Variants in MTHFD1L observed in about 807,000 individuals in gnomAD.
The protein encoded by MTHFD1L is methylenetetrahydrofolate dehydrogenase (NADP+ dependent) 1 like, also known as monofunctional C1-tetrahydrofolate synthase, mitochondrial.
MTHFD1L carries 81 observed loss-of-function variants against 119.5 expected under a neutral mutation model. The ratio of observed to expected loss-of-function variants is 0.68; its 90% CI spans 0.57 to 0.82. The LOEUF (loss-of-function observed/expected upper bound fraction) is 0.82. Ranked by LOEUF, MTHFD1L falls within the 40% of genes least tolerant of loss-of-function variation. The pLI, the probability that MTHFD1L is intolerant of heterozygous loss-of-function variation, is 0.00. For missense variants in MTHFD1L, 1,125 were observed against 1,253.4 expected (o/e 0.90, Z 1.55); for synonymous variants, 430 against 475.2 (o/e 0.90, Z 1.24).
intron 26 of MTHFD1L, among the ~76,000 whole-genome samples, chr6:151,048,883 C>A (rs1009149132): frequency 1.3e-5 from 2 of 152,198 alleles, no homozygotes; most frequent in African/African-American, 4.8e-5. Context: ...TCCTTACACA[C>A]CAAATATTTC....
At chr6:151,022,849 G>A (rs1053997917) in intron 24 of MTHFD1L, among the ~76,000 whole-genome samples, 1 of 152,006 alleles carries the variant, frequency 6.6e-6, no homozygotes, top group Non-Finnish European at 1.5e-5. Flanking sequence ...CTTCCCCCAT[G>A]CTCTTTAATA....
chr6:150,981,854 G>A (rs1777545722), intron 20 of MTHFD1L, among the ~76,000 whole-genome samples: 2 of 152,200 alleles, frequency 1.3e-5, no homozygotes, highest in South Asian at 4.1e-4. Flanking sequence ...TGGAGGCCAA[G>A]GTGGGAGGAT....
At chr6:151,052,698 T>G (rs1789253387) in intron 26 of MTHFD1L, among the ~76,000 whole-genome samples, 1 of 152,188 alleles carries the variant, frequency 6.6e-6, no homozygotes, top group Non-Finnish European at 1.5e-5. Context: ...GACCATTGCA[T>G]AGCTCCAGCA....
chr6:150,990,970 C>T (rs1484902262), intron 20 of MTHFD1L, among the ~76,000 whole-genome samples: 1 of 152,212 alleles, frequency 6.6e-6, no homozygotes, highest in African/African-American at 2.4e-5. Context: ...ATTTTCCTGC[C>T]TCAGCCTCCC....
intron 19 of MTHFD1L, among the ~76,000 whole-genome samples, chr6:150,968,726 G>C (rs1216644208): frequency 6.6e-6 from 1 of 151,702 alleles, no homozygotes; most frequent in East Asian, 1.9e-4. Context: ...ACGTTGGCCA[G>C]GCTGGTCTCA....
In MTHFD1L at chr6:151,034,503, T is replaced by C. The variant is rs377065684; in HGVS notation, c.2597T>C (p.Val866Ala). The change falls in exon 25 of 28, where the codon GTG (valine) becomes GCG (alanine). Residue 866 changes from valine (V) to alanine (A), a missense_variant. Around this residue, in one of 3 missense-constraint regions of MTHFD1L, gnomAD observed 1,058 missense variants for 1,151.2 expected, o/e 0.92. Coordinates refer to ENST00000367321, the MANE Select transcript of MTHFD1L (RefSeq NM_015440.5). The stretch of plus-strand genomic sequence containing the variant: ...TTTGTGTTTCTCCAGGTTCCAATTG[T>C]GGACAAGATAAGGACCATTGCTCAG... ...QFLYDVQVPI[V>A]DKIRTIAQAV... 105 of 1,608,724 alleles carry C rather than the reference T, an allele frequency of 6.5e-5. No homozygotes were observed. The highest frequency in any genetic ancestry group is 8.5e-5 in the Non-Finnish European group (100 of 1,177,186).
In MTHFD1L at chr6:150,905,689, C is replaced by T. The variant is rs771161505; in HGVS notation, c.820C>T (p.Pro274Ser). 2.5e-6 allele frequency: 4 copies of T among 1,614,010 alleles called. No individual in the cohort carries two copies. Among genetic ancestry groups the T allele is most frequent in the African/African-American group, 1.3e-5 (1 of 74,924 alleles). ...CATTGTGGTCCTAGGCTCACCTAAG[C>T]CAGAAGAGATTCCCCTTACTTGGAT... Reference protein sequence around the residue: ...ADIVVLGSPKPEEIPLTWIQP... With the variant: ...ADIVVLGSPKSEEIPLTWIQP... The change falls in exon 8 of 28, where the codon CCA (proline) becomes TCA (serine). Residue 274 changes from proline (P) to serine (S), a missense_variant. Pro to Ser is a moderately conservative substitution (Grantham distance 74). Around this residue, in one of 3 missense-constraint regions of MTHFD1L, gnomAD observed 1,058 missense variants for 1,151.2 expected, o/e 0.92. Coordinates refer to ENST00000367321, the MANE Select transcript of MTHFD1L (RefSeq NM_015440.5).
chr6:150,974,035 G>A (rs145973210), intron 20 of MTHFD1L, among the ~76,000 whole-genome samples: 4,213 of 152,320 alleles, frequency 0.028, 205 homozygotes, highest in Admixed American at 0.14. Context: ...CTAAGATGCC[G>A]TAAGTGGGGG....
At chr6:150,983,462 A>G (rs987501236) in intron 20 of MTHFD1L, among the ~76,000 whole-genome samples, 5 of 152,092 alleles carry the variant, frequency 3.3e-5, no homozygotes, top group African/African-American at 9.7e-5. Flanking sequence ...GCCCAGCCCT[A>G]TGAAAAGGGC....
chr6:150,998,995 A>AAAAAAAAAATGTATATATAT (rs986639098), intron 20 of MTHFD1L, among the ~76,000 whole-genome samples: 14 of 143,666 alleles, frequency 9.7e-5, no homozygotes, highest in African/African-American at 2.3e-4. Context: ...GTCTTAAAAA[A>AAAAAAAAAATGTATATATAT]ATATATATAC....
intron 20 of MTHFD1L, among the ~76,000 whole-genome samples, chr6:150,981,060 C>T (rs1270864668): frequency 1.3e-5 from 2 of 151,490 alleles, no homozygotes; most frequent in African/African-American, 4.9e-5. Context: ...ACTAAGTGGC[C>T]ACCTGAAAAA....
At chr6:151,020,954 A>T (rs900446018) in intron 24 of MTHFD1L, among the ~76,000 whole-genome samples, 19 of 152,188 alleles carry the variant, frequency 1.2e-4, no homozygotes, top group African/African-American at 2.4e-5. Flanking sequence ...CCCATCTGCT[A>T]TGTGGGCTCA....
chr6:150,942,796 G>A (rs1461907735), intron 13 of MTHFD1L, among the ~76,000 whole-genome samples: 1 of 151,836 alleles, frequency 6.6e-6, no homozygotes, highest in East Asian at 1.9e-4. Flanking sequence ...ATGTTATAAA[G>A]TAAAATTTTA....
chr6:150,900,716 T>A (rs1784967181), intron 7 of MTHFD1L, among the ~76,000 whole-genome samples: 1 of 152,200 alleles, frequency 6.6e-6, no homozygotes, highest in South Asian at 2.1e-4. Flanking sequence ...GCTTCTTTTC[T>A]ATATTAAGAA....
intron 26 of MTHFD1L, among the ~76,000 whole-genome samples, chr6:151,072,699 G>A (rs146348756): frequency 0.042 from 6,403 of 152,204 alleles, 189 homozygotes; most frequent in Middle Eastern, 0.072. Flanking sequence ...TGAGGCAGGA[G>A]GATCACTTGA....
At chr6:151,076,837 C>CCCAAGAGAAATGCAGTATATGT in intron 26 of MTHFD1L, among the ~76,000 whole-genome samples, 2 of 152,020 alleles carry the variant, frequency 1.3e-5, no homozygotes, top group East Asian at 3.9e-4. Context: ...TAAATATTTA[C>CCCAAGAGAAATGCAGTATATGT]CCAAGAGAAA....
chr6:150,996,056 A>T (rs538017), intron 20 of MTHFD1L, among the ~76,000 whole-genome samples: 1 of 152,024 alleles, frequency 6.6e-6, no homozygotes. Flanking sequence ...TTTCAAGGCT[A>T]TTATCTGTAG....
chr6:151,045,452 A>T (rs1787850652), intron 26 of MTHFD1L, among the ~76,000 whole-genome samples: 1 of 152,164 alleles, frequency 6.6e-6, no homozygotes, highest in African/African-American at 2.4e-5. Flanking sequence ...ACCCACAAAT[A>T]AACAAAGAAA....
At chr6:150,890,905 G>GA (rs1214371998) in intron 7 of MTHFD1L, among the ~76,000 whole-genome samples, 5 of 152,326 alleles carry the variant, frequency 3.3e-5, no homozygotes, top group Non-Finnish European at 7.3e-5. Context: ...CATAGTCATA[G>GA]TTCATAAAAC....
Sources: gnomAD v4.1 joint callset for allele counts (sites outside exome capture counted in the v4.1 genomes callset) on GRCh38, gnomAD v4.1.1 for gene constraint, gnomAD v4.1.1 regional missense constraint, MANE v1.5 for transcripts, NCBI Gene and HGNC (gene_info 2026-07-23, HGNC 2026-07-21) for gene names.